Variants in CREBBP observed in about 807,000 individuals in gnomAD.
CREBBP encodes the protein CREB binding lysine acetyltransferase.
CREBBP carries 19 observed loss-of-function variants against 265.0 expected under a neutral mutation model. The ratio of observed to expected loss-of-function variants is 0.07; its 90% confidence interval spans 0.05 to 0.11. CREBBP has a LOEUF of 0.11. Ranked by LOEUF, CREBBP falls within the 10% of genes least tolerant of loss-of-function variation. CREBBP has a pLI of 1.00. For missense variants in CREBBP, 2,525 were observed against 3,219.0 expected, an observed-to-expected ratio of 0.78 and a Z score of 5.22; for synonymous variants, 1,457 against 1,223.7, an observed-to-expected ratio of 1.19 and a Z score of -3.98.
At chr16:3,823,477 A>G (rs558037350) in intron 2 of CREBBP, among the ~76,000 whole-genome samples, 1 of 152,184 alleles carries the variant, frequency 6.6e-6, no homozygotes, top group African/African-American at 2.4e-5. Flanking sequence ...AAGACATTTC[A>G]AGGAGCCTCA....
chr16:3,841,419 G>A (rs1195542165), intron 2 of CREBBP, among the ~76,000 whole-genome samples: 2 of 151,938 alleles, frequency 1.3e-5, no homozygotes, highest in Non-Finnish European at 2.9e-5. Context: ...GAAACTTTGT[G>A]CTCTTTTTAC....
In CREBBP at chr16:3,727,078, C is replaced by CAA; in HGVS notation, c.*638_*639dup. On this transcript the variant is annotated 3_prime_UTR_variant, in exon 31 of 31. Coordinates refer to ENST00000262367, the MANE Select transcript of CREBBP (RefSeq NM_004380.3). The stretch of plus-strand genomic sequence containing the variant: ...TCTAAAACCAGTTTTATCAGAGAAA[C>CAA]AAAGCAACAATTTCTACATCTGCAA... 4.3e-6 allele frequency: 1 copy of CAA among 233,910 alleles called. No individual in the cohort carries two copies. The allele number at this position is 233,910 out of a possible 1,614,324, so 14.5% of individuals were successfully genotyped here. A position where few individuals can be genotyped will look rare whatever the true frequency, so the allele number is the denominator to read the frequency against.
chr16:3,836,492 A>T (rs1171997717), intron 2 of CREBBP, among the ~76,000 whole-genome samples: 2 of 151,346 alleles, frequency 1.3e-5, no homozygotes, highest in Non-Finnish European at 2.9e-5. Context: ...TTGTCGGGGG[A>T]TGAGTGGGGA....
intron 28 of CREBBP, among the ~76,000 whole-genome samples, chr16:3,733,122 G>C (rs940723191): frequency 2.0e-5 from 3 of 152,020 alleles, no homozygotes; most frequent in Admixed American, 6.6e-5. Context: ...CAGCACTTTG[G>C]AAGGCCAAGG....
At chr16:3,792,912 T>C (rs2053535498) in intron 4 of CREBBP, among the ~76,000 whole-genome samples, 1 of 152,156 alleles carries the variant, frequency 6.6e-6, no homozygotes, top group Non-Finnish European at 1.5e-5. Flanking sequence ...CCAGGACAAC[T>C]TCGCTGTCAT....
Position 3,840,201 on chromosome 16 carries a change from C to T in CREBBP, c.798+10096G>A, listed in dbSNP as rs368318176. Among the ~76,000 whole-genome samples the T allele has an allele frequency of 1.2e-3, 179 of 152,248 alleles. 4 individuals carry two copies. In the South Asian group the frequency reaches 0.026, roughly 22 times the overall value. Reference sequence around the variant, plus strand: ...TTGTGTTAAGAATCAGATGACTTCACGTGAAAAAGTGAAAAGCAACAGACA... The same window carrying T: ...TTGTGTTAAGAATCAGATGACTTCATGTGAAAAAGTGAAAAGCAACAGACA... On this transcript the variant is annotated intron_variant, in intron 2 of 30. Transcript: ENST00000262367.
rs2151309006 is a variant in CREBBP at position 3,729,364 on chromosome 16, G to A, written c.5683C>T (p.Gln1895Ter). 6.2e-7 allele frequency: 1 copy of A among 1,606,992 alleles called. No individual in the cohort carries two copies. Reference protein sequence around the residue: ...PTSAPPGTPTQQPSTPQTPQP... With the variant: ...PTSAPPGTPT ...GGCGTCTGGGGTGTGCTGGGCTGCT[G>A]TGTGGGGGTCCCGGGCGGTGCTGAG... The change falls in exon 31 of 31, where the codon CAG (glutamine) becomes TAG (stop). Residue 1895 changes from glutamine (Q) to a stop codon, truncating the protein, a stop_gained. Transcript: ENST00000262367. LOFTEE classifies it high-confidence loss of function.
chr16:3,769,983 G>A (rs1177352996), intron 14 of CREBBP, among the ~76,000 whole-genome samples: 2 of 151,654 alleles, frequency 1.3e-5, no homozygotes, highest in African/African-American at 2.4e-5. Flanking sequence ...CGATTCTCCC[G>A]CCTCAGCCTC....
At chr16:3,824,457 G>A (rs1293543179) in intron 2 of CREBBP, among the ~76,000 whole-genome samples, 2 of 152,224 alleles carry the variant, frequency 1.3e-5, no homozygotes, top group South Asian at 2.1e-4. Flanking sequence ...AAATGAACAC[G>A]GAAACTGGAA....
At chr16:3,741,790 A>G (rs1398431513) in intron 23 of CREBBP, 1 of 152,032 alleles carries the variant, frequency 6.6e-6, no homozygotes, top group Non-Finnish European at 1.5e-5. Flanking sequence ...AGAATGCAAA[A>G]TTAAGTCGGG....
intron 1 of CREBBP, among the ~76,000 whole-genome samples, chr16:3,859,918 C>T (rs1047806624): frequency 6.6e-6 from 1 of 152,112 alleles, no homozygotes; most frequent in African/African-American, 2.4e-5. Context: ...CTCTGTCAAC[C>T]GCTCTAGTAA....
intron 3 of CREBBP, among the ~76,000 whole-genome samples, chr16:3,795,823 G>A (rs1376761417): frequency 2.0e-5 from 3 of 152,052 alleles, no homozygotes; most frequent in Non-Finnish European, 2.9e-5. Context: ...TTTCTTTTAC[G>A]TTTATGAAAA....
In CREBBP at chr16:3,729,061, C is replaced by T. The variant is rs1302332843; in HGVS notation, c.5986G>A (p.Ala1996Thr). The T allele has an allele frequency of 6.3e-7, 1 of 1,584,038 alleles. No homozygotes were observed. Among genetic ancestry groups the T allele is most frequent in the Non-Finnish European group, 8.5e-7 (1 of 1,170,724 alleles). The change falls in exon 31 of 31, where the codon GCC becomes ACC. Residue 1996 changes from alanine to threonine, a missense_variant. Physicochemically the swap from Ala to Thr is moderately conservative, Grantham distance 58 (BLOSUM62 0). This residue lies in a region of CREBBP where 275 missense variants were observed against 276.5 expected (regional missense o/e 0.99). Coordinates refer to ENST00000262367, the MANE Select transcript of CREBBP (RefSeq NM_004380.3). ...CGGGGCACATTCAGGCTCACGGGGG[C>T]CATCTGGCTCCCCGGGGTCCCCATG... ...TGMGTPGSQM[A>T]PVSLNVPRPN...
chr16:3,740,656 AGG>A, intron 23 of CREBBP, 107 bp from the exon 24 acceptor site: 2 of 1,278,400 alleles, frequency 1.6e-6, no homozygotes, highest in Non-Finnish European at 2.3e-6. Flanking sequence ...GATATTTTAA[AGG>A]ACTAATGTTC....
chr16:3,738,790 G>C (rs2052133367), intron 25 of CREBBP, 118 bp from the exon 26 acceptor site: 1 of 739,346 alleles, frequency 1.4e-6, no homozygotes. Flanking sequence ...CTGTCATTCA[G>C]GCTGCAATGC....
chr16:3,859,070 A>T (rs2055020262), intron 1 of CREBBP, among the ~76,000 whole-genome samples: 2 of 150,944 alleles, frequency 1.3e-5, no homozygotes, highest in South Asian at 4.2e-4. Flanking sequence ...TTTTTTTTTC[A>T]TGGTTTCTTT....
chr16:3,812,815 T>TGAAC (rs2053963818), intron 2 of CREBBP: 1 of 182,476 alleles, frequency 5.5e-6, no homozygotes, highest in African/African-American at 2.4e-5. Context: ...GTCTATTGTG[T>TGAAC]GTTCTGTATT....
intron 3 of CREBBP, among the ~76,000 whole-genome samples, chr16:3,804,812 C>T (rs758796940): frequency 1.4e-4 from 22 of 152,220 alleles, no homozygotes; most frequent in Admixed American, 2.6e-4. Context: ...CTCCACTTTA[C>T]ATGAGTATCT....
At chr16:3,852,515 T>C (rs1472625990) in intron 1 of CREBBP, among the ~76,000 whole-genome samples, 27 of 152,188 alleles carry the variant, frequency 1.8e-4, no homozygotes, top group Admixed American at 1.7e-3. Context: ...AAACTAGCTT[T>C]AACGCAAAAT....
Sources: allele counts gnomAD v4.1 joint callset (sites outside exome capture counted in the v4.1 genomes callset), GRCh38; gene constraint gnomAD v4.1.1; regional missense constraint gnomAD v4.1.1; transcripts MANE v1.5; gene names NCBI Gene and HGNC (gene_info 2026-07-23, HGNC 2026-07-21).